Variants in ITSN1 observed in about 807,000 individuals in gnomAD.
ITSN1 encodes the protein intersectin-1.
ITSN1 carries 58 observed loss-of-function variants against 239.8 expected under a neutral mutation model. That is an observed-to-expected ratio of 0.24 (90% CI 0.20 to 0.30). The LOEUF (loss-of-function observed/expected upper bound fraction) is 0.30, where lower values mean the gene tolerates loss of function less well. Ranked by LOEUF, ITSN1 falls within the 10% of genes least tolerant of loss-of-function variation. The pLI is 1.00. For missense variants in ITSN1, 1,558 were observed against 2,103.3 expected, an observed-to-expected ratio of 0.74 and a Z score of 5.07; for synonymous variants, 780 against 770.8, an observed-to-expected ratio of 1.01 and a Z score of -0.20.
At chr21:33,773,506 T>G (rs1359475142) in intron 12 of ITSN1, among the ~76,000 whole-genome samples, 1 of 152,100 alleles carries the variant, frequency 6.6e-6, no homozygotes, top group Non-Finnish European at 1.5e-5. Context: ...GAGGAATTTT[T>G]CGATGTAAAA....
intron 27 of ITSN1, 83 bp downstream of exon 27, chr21:33,829,828 A>G: frequency 6.6e-7 from 1 of 1,510,054 alleles, no homozygotes; most frequent in Non-Finnish European, 9.1e-7. Context: ...TTTATTGTAA[A>G]GTACAAACCA....
At chr21:33,809,206 A>C (rs538023897) in intron 20 of ITSN1, among the ~76,000 whole-genome samples, 1 of 152,362 alleles carries the variant, frequency 6.6e-6, no homozygotes, top group Non-Finnish European at 1.5e-5. Context: ...GTGTGAGCAG[A>C]AATGATAGAA....
intron 1 of ITSN1, among the ~76,000 whole-genome samples, chr21:33,670,652 C>A (rs965510230): frequency 6.6e-6 from 1 of 152,170 alleles, no homozygotes; most frequent in Non-Finnish European, 1.5e-5. Flanking sequence ...ACAACACTCT[C>A]TTTTTGTAGT....
intron 5 of ITSN1, among the ~76,000 whole-genome samples, chr21:33,740,313 T>G (rs1461395239): frequency 1.3e-5 from 2 of 152,090 alleles, no homozygotes; most frequent in Admixed American, 1.3e-4. Context: ...GGGGCAAGCT[T>G]AGCTATAAGG....
intron 21 of ITSN1, 143 bp from the exon 22 acceptor site, chr21:33,813,769 TA>T (rs1425488860): frequency 2.9e-4 from 174 of 595,004 alleles, no homozygotes; most frequent in Non-Finnish European, 3.7e-4. Flanking sequence ...TTTATTTATT[TA>T]TTTTTTTGGT....
chr21:33,705,889 T>A (rs2092233116), intron 1 of ITSN1, among the ~76,000 whole-genome samples: 1 of 152,196 alleles, frequency 6.6e-6, no homozygotes, highest in Non-Finnish European at 1.5e-5. Context: ...TTTAGTGAGT[T>A]ATGGCAGTAA....
chr21:33,674,445 C>T (rs1216264975), intron 1 of ITSN1, among the ~76,000 whole-genome samples: 1 of 152,060 alleles, frequency 6.6e-6, no homozygotes, highest in Non-Finnish European at 1.5e-5. Flanking sequence ...AACAAGTTCC[C>T]CATTAATGCT....
chr21:33,763,418 G>T (rs1046641890), intron 9 of ITSN1, among the ~76,000 whole-genome samples: 1 of 151,904 alleles, frequency 6.6e-6, no homozygotes, highest in Non-Finnish European at 1.5e-5. Context: ...GACATTTTGG[G>T]CCCGATAAAT....
At chr21:33,836,774 C>T (rs2074625934) in intron 29 of ITSN1, 142 bp downstream of exon 29, 1 of 767,076 alleles carries the variant, frequency 1.3e-6, no homozygotes, top group Admixed American at 2.8e-5. Flanking sequence ...CTTTGAAGAC[C>T]TTCTGTAATG....
In ITSN1 at chr21:33,774,739, G is replaced by A. The variant is rs963769471; in HGVS notation, c.1316G>A (p.Arg439Gln). 5 of 1,612,484 alleles carry A rather than the reference G, an allele frequency of 3.1e-6. No individual in the cohort carries two copies. Among genetic ancestry groups the A allele is most frequent in the South Asian group, 1.1e-5 (1 of 90,808 alleles). ...CTGTAAATGTCACAGGCTGCAAAAC[G>A]GGAACTTGAAAGGCAACGACAACTT... ...KEIERREAAK[R>Q]ELERQRQLEW... The change falls in exon 13 of 40, where the codon CGG becomes CAG. Residue 439 changes from arginine (R) to glutamine (Q), a missense_variant. Arg to Gln is a conservative substitution (Grantham distance 43). Transcript: ENST00000381318.
At chr21:33,663,284 A>G (rs1282007812) in intron 1 of ITSN1, among the ~76,000 whole-genome samples, 1 of 152,244 alleles carries the variant, frequency 6.6e-6, no homozygotes, top group Admixed American at 6.5e-5. Flanking sequence ...TATGAGATAT[A>G]TTACCTTTTA....
At position 33,896,571 on chromosome 21, in the gene ITSN1, C is replaced by G. The variant is rs1341199033; in HGVS notation, c.*8271C>G. On this transcript the variant is annotated 3_prime_UTR_variant, in exon 40 of 40. Coordinates refer to ENST00000381318, the MANE Select transcript of ITSN1 (RefSeq NM_003024.3). ...GCGGGTGTCTGGGAGGAACCTGCTT[C>G]GGAGAGGCTGCGACCTCCCAGCTAG... 6.6e-6 allele frequency: 1 copy of G among 152,210 alleles called. No individual in the cohort carries two copies. The highest frequency in any genetic ancestry group is 2.1e-4 in the South Asian group (1 of 4,830). The allele number at this position is 152,210 out of a possible 1,614,324, so 9.4% of individuals were successfully genotyped here. A position where few individuals can be genotyped will look rare whatever the true frequency, so the allele number is the denominator to read the frequency against.
At chr21:33,807,114 TGG>T (rs1050172820) in intron 20 of ITSN1, among the ~76,000 whole-genome samples, 6 of 152,252 alleles carry the variant, frequency 3.9e-5, no homozygotes, top group African/African-American at 1.4e-4. Context: ...GACTATTGTT[TGG>T]GGGGCTGTTG....
At chr21:33,734,787 G>T (rs1460318708) in intron 4 of ITSN1, among the ~76,000 whole-genome samples, 3 of 152,150 alleles carry the variant, frequency 2.0e-5, no homozygotes, top group Non-Finnish European at 2.9e-5. Context: ...CCCTTTTGAT[G>T]TCTAAAGTAC....
intron 12 of ITSN1, among the ~76,000 whole-genome samples, chr21:33,774,009 TA>T (rs1485733409): frequency 2.0e-4 from 31 of 152,198 alleles, no homozygotes; most frequent in Non-Finnish European, 4.3e-4. Context: ...AGACAGACAC[TA>T]ACAAAATTTT....
chr21:33,856,337 G>T (rs898813801), intron 29 of ITSN1, among the ~76,000 whole-genome samples: 3 of 152,110 alleles, frequency 2.0e-5, no homozygotes, highest in Non-Finnish European at 4.4e-5. Flanking sequence ...TACATTCCTG[G>T]AGGCCGGAAG....
rs1368628564 is a variant in ITSN1 at position 33,855,987 on chromosome 21, G to A, written c.3662-749G>A. Among the ~76,000 whole-genome samples the A allele has an allele frequency of 3.3e-5, 5 of 152,320 alleles. No homozygotes were observed. The South Asian group carries it at 8.3e-4, about 25-fold the overall frequency. On this transcript the variant is annotated intron_variant, in intron 29 of 39. Transcript: ENST00000381318. ...TAACCCATGGCCTCCTGGAGCTCGG[G>A]GATAGAGCACAGCCTCTGCAGCCCA...
intron 4 of ITSN1, among the ~76,000 whole-genome samples, chr21:33,727,871 C>G (rs978352327): frequency 6.6e-6 from 1 of 152,098 alleles, no homozygotes; most frequent in Non-Finnish European, 1.5e-5. Flanking sequence ...CCATCCTAAC[C>G]TGTCATCTCA....
intron 16 of ITSN1, 95 bp downstream of exon 16, chr21:33,782,228 T>G: frequency 8.5e-7 from 1 of 1,176,744 alleles, no homozygotes; most frequent in Non-Finnish European, 1.2e-6. Flanking sequence ...GCAGAAAAAT[T>G]TATTATGCCA....
Sources: gnomAD v4.1 joint callset for allele counts (sites outside exome capture counted in the v4.1 genomes callset) on GRCh38, gnomAD v4.1.1 for gene constraint, MANE v1.5 for transcripts, NCBI Gene and HGNC (gene_info 2026-07-23, HGNC 2026-07-21) for gene names.